Variants in PLA2G6 observed in about 807,000 individuals in gnomAD.
PLA2G6 encodes the protein 85/88 kDa calcium-independent phospholipase A2.
Under a neutral mutation model 83.8 loss-of-function variants are expected in PLA2G6, and 62 were observed. That is an observed-to-expected ratio of 0.74 (90% CI 0.60 to 0.91). The LOEUF (loss-of-function observed/expected upper bound fraction) is 0.91. PLA2G6 is among the 40% of genes least tolerant of loss of function. PLA2G6 has a pLI of 0.00. For synonymous variants in PLA2G6, 417 were observed against 449.8 expected (o/e 0.93, Z 0.92); for missense variants, 944 against 1,102.0 (o/e 0.86, Z 2.03).
chr22:38,136,243 G>A (rs751535548), intron 5 of PLA2G6: 1 of 152,128 alleles, frequency 6.6e-6, no homozygotes, highest in Non-Finnish European at 1.5e-5. Context: ...AAGGGGTAAT[G>A]GTTGGACAAC....
At chr22:38,145,839 A>C in intron 2 of PLA2G6, 186 bp from the exon 3 acceptor site, 2 of 613,124 alleles carry the variant, frequency 3.3e-6, no homozygotes, top group East Asian at 2.9e-5. Context: ...ACACACCCCT[A>C]TACACATGTA....
At chr22:38,135,204 G>A in intron 5 of PLA2G6, 120 bp from the exon 6 acceptor site, 2 of 731,860 alleles carry the variant, frequency 2.7e-6, no homozygotes, top group Non-Finnish European at 4.9e-6. Flanking sequence ...ACAAAGTTCA[G>A]CAAACCCAAC....
At chr22:38,171,311 T>A (rs1033370045) in intron 1 of PLA2G6, among the ~76,000 whole-genome samples, 44 of 152,210 alleles carry the variant, frequency 2.9e-4, no homozygotes, top group Non-Finnish European at 8.8e-5. Context: ...CTGATCCTTC[T>A]TCAAATCCAA....
intron 2 of PLA2G6, chr22:38,150,350 G>A (rs1182505561): frequency 6.6e-6 from 1 of 152,204 alleles, no homozygotes; most frequent in Non-Finnish European, 1.5e-5. Flanking sequence ...GCTGAAGCAA[G>A]CCATGGTGAC....
chr22:38,116,509 C>A, intron 12 of PLA2G6: 1 of 531,674 alleles, frequency 1.9e-6, no homozygotes, highest in Non-Finnish European at 3.7e-6. Flanking sequence ...TATCTGTTAT[C>A]AAAATCAGGA....
chr22:38,126,994 T>A (rs1005516200), intron 9 of PLA2G6: 1 of 1,072,468 alleles, frequency 9.3e-7, no homozygotes, highest in Non-Finnish European at 1.1e-6. Context: ...GAAATCCCAG[T>A]GGCCTCCGGG....
chr22:38,158,457 C>T (rs1207682408), intron 2 of PLA2G6, among the ~76,000 whole-genome samples: 1 of 152,222 alleles, frequency 6.6e-6, no homozygotes, highest in Non-Finnish European at 1.5e-5. Flanking sequence ...AGGCGTGAGC[C>T]ACTGCAACCC....
intron 11 of PLA2G6, among the ~76,000 whole-genome samples, chr22:38,122,038 C>G (rs1256941949): frequency 6.6e-6 from 1 of 152,128 alleles, no homozygotes; most frequent in Non-Finnish European, 1.5e-5. Flanking sequence ...CACTAACGTC[C>G]CGGCAACTTG....
intron 2 of PLA2G6, among the ~76,000 whole-genome samples, chr22:38,159,725 AAAGGAAGGAAGG>A (rs56181861): frequency 0.047 from 6,728 of 143,192 alleles, 196 homozygotes; most frequent in Non-Finnish European, 0.07. Context: ...GAGATAGATG[AAAGGAAGGAAGG>A]AAGGAAGGAA....
intron 3 of PLA2G6, chr22:38,144,950 G>A: frequency 2.8e-6 from 1 of 352,158 alleles, no homozygotes; most frequent in Non-Finnish European, 5.7e-6. Context: ...AGCTCCCACA[G>A]ACCTGGCACC....
intron 2 of PLA2G6, among the ~76,000 whole-genome samples, chr22:38,153,982 T>C (rs1223544825): frequency 6.6e-6 from 1 of 152,052 alleles, no homozygotes; most frequent in African/African-American, 2.4e-5. Flanking sequence ...GCTGGGGCAG[T>C]GGTGGCCATG....
intron 2 of PLA2G6, among the ~76,000 whole-genome samples, chr22:38,159,924 C>T (rs955635258): frequency 2.0e-5 from 3 of 152,056 alleles, no homozygotes; most frequent in Non-Finnish European, 4.4e-5. Flanking sequence ...CAATAGATAC[C>T]ATTAAAAGAA....
intron 9 of PLA2G6, 175 bp from the exon 10 acceptor site, chr22:38,126,624 T>G: frequency 1.5e-6 from 1 of 647,930 alleles, no homozygotes; most frequent in East Asian, 2.9e-5. Context: ...AGGAGAAAGC[T>G]GAGCCACAGG....
chr22:38,141,829 C>A (rs9610906), intron 4 of PLA2G6: 1 of 152,084 alleles, frequency 6.6e-6, no homozygotes, highest in Non-Finnish European at 1.5e-5. Flanking sequence ...GCAGAGGATT[C>A]TCGGTGAAAG....
At chr22:38,136,772 T>C (rs2088579873) in intron 5 of PLA2G6, 1 of 143,846 alleles carries the variant, frequency 7.0e-6, no homozygotes, top group East Asian at 2.1e-4. Flanking sequence ...GTGCAATTAC[T>C]AGGACAGCCC....
Position 38,112,216 on chromosome 22 carries a change from A to T in PLA2G6, c.2366T>A (p.Ile789Asn). 6.2e-7 allele frequency: 1 copy of T among 1,610,204 alleles called. No homozygotes were observed. Among genetic ancestry groups the T allele is most frequent in the Non-Finnish European group, 8.5e-7 (1 of 1,178,492 alleles). Residue 789 changes from isoleucine (I) to asparagine (N), a missense_variant, in exon 17 of 17, where the codon ATC becomes AAC. Ile to Asn is a moderately radical substitution (Grantham distance 149, BLOSUM62 -3). Coordinates refer to ENST00000332509, the MANE Select transcript of PLA2G6 (RefSeq NM_003560.4). ...CTGGAACTCCTCGCGGTGCTCATAG[A>T]TGTAGACCTCGGTCTCCCAGAGGGC... ...VNALWETEVY[I>N]YEHREEFQKL...
intron 3 of PLA2G6, chr22:38,145,153 T>C (rs995271652): frequency 7.3e-6 from 3 of 408,354 alleles, no homozygotes; most frequent in African/African-American, 6.2e-5. Flanking sequence ...GCAATCCTCC[T>C]GCCTCAGCAT....
At chr22:38,126,932 G>T in intron 9 of PLA2G6, 1 of 919,632 alleles carries the variant, frequency 1.1e-6, no homozygotes, top group Non-Finnish European at 1.4e-6. Context: ...CGTTCCTCGG[G>T]GTTTAAGTCC....
At chr22:38,136,998 A>G (rs1046570952) in intron 5 of PLA2G6, 4 of 152,530 alleles carry the variant, frequency 2.6e-5, no homozygotes, top group Admixed American at 6.5e-5. Flanking sequence ...TCAGCCTCCC[A>G]AAGTGCTGGG....
Sources: gnomAD v4.1 joint callset for allele counts (sites outside exome capture counted in the v4.1 genomes callset) on GRCh38, gnomAD v4.1.1 for gene constraint, MANE v1.5 for transcripts, NCBI Gene and HGNC (gene_info 2026-07-23, HGNC 2026-07-21) for gene names.